The following HS3ST5 variants were observed in gnomAD, a reference collection of about 807,000 sequenced individuals.
HS3ST5 encodes heparan sulfate glucosamine 3-O-sulfotransferase 5.
HS3ST5 carries 10 observed loss-of-function variants against 25.4 expected under a neutral mutation model. The observed-to-expected ratio is 0.39, with a 90% CI of 0.24 to 0.67. HS3ST5 has a LOEUF of 0.67. Among genes scored for constraint, HS3ST5 ranks in the 30% least tolerant of loss-of-function variants. HS3ST5 has a pLI of 0.44. For missense variants in HS3ST5, 324 were observed against 420.7 expected (o/e 0.77, Z 2.01); for synonymous variants, 170 against 162.4 (o/e 1.05, Z -0.36).
At chr6:114,341,217 G>GA in intron 1 of HS3ST5, among the ~76,000 whole-genome samples, 1 of 134,930 alleles carries the variant, frequency 7.4e-6, no homozygotes, top group African/African-American at 2.9e-5. Flanking sequence ...AATAGGGAGA[G>GA]AGGGGGAGAG....
chr6:114,198,619 T>C (rs1780872048), intron 2 of HS3ST5, among the ~76,000 whole-genome samples: 1 of 152,192 alleles, frequency 6.6e-6, no homozygotes, highest in African/African-American at 2.4e-5. Context: ...CCAGGTTGTA[T>C]GAAGAAATTC....
At chr6:114,213,193 T>C (rs914110483) in intron 2 of HS3ST5, among the ~76,000 whole-genome samples, 1 of 152,016 alleles carries the variant, frequency 6.6e-6, no homozygotes, top group Non-Finnish European at 1.5e-5. Context: ...CGTCAAGCCA[T>C]CCTTCTGAAG....
chr6:114,308,354 G>A (rs1017151913), intron 1 of HS3ST5, among the ~76,000 whole-genome samples: 1 of 152,120 alleles, frequency 6.6e-6, no homozygotes, highest in Admixed American at 6.6e-5. Context: ...GGGAGGCCGA[G>A]GCGGGCAGAT....
In HS3ST5 at chr6:114,298,878, G is replaced by A. The variant is rs13212090; in HGVS notation, c.-339+43317C>T. Among the ~76,000 whole-genome samples the A allele has an allele frequency of 4.1e-3, 618 of 152,278 alleles. 2 individuals carry two copies. Among genetic ancestry groups the A allele is most frequent in the Middle Eastern group, 0.01 (3 of 292 alleles). On this transcript the variant is annotated intron_variant, in intron 1 of 4. Transcript: ENST00000312719. ...TGTCATCTCACAAGCTGAGGAGTAT[G>A]TATGTCACCTCAGGACCCTGTGATG...
At chr6:114,094,278 G>A (rs1775304684) in intron 3 of HS3ST5, among the ~76,000 whole-genome samples, 1 of 152,206 alleles carries the variant, frequency 6.6e-6, no homozygotes, top group Non-Finnish European at 1.5e-5. Flanking sequence ...ATAATTTAAA[G>A]TTAGTTTTGA....
At chr6:114,295,665 G>A (rs1679455627) in intron 1 of HS3ST5, among the ~76,000 whole-genome samples, 1 of 152,162 alleles carries the variant, frequency 6.6e-6, no homozygotes, top group South Asian at 2.1e-4. Flanking sequence ...GTAAAAGCAT[G>A]CAAACTATAT....
chr6:114,288,917 T>A (rs1346315327), intron 1 of HS3ST5, among the ~76,000 whole-genome samples: 7 of 152,056 alleles, frequency 4.6e-5, no homozygotes, highest in African/African-American at 1.7e-4. Context: ...ATAGCACAGA[T>A]CTGTAGCTCC....
At chr6:114,235,510 G>T (rs1771814403) in intron 1 of HS3ST5, 1 of 152,200 alleles carries the variant, frequency 6.6e-6, no homozygotes, top group African/African-American at 2.4e-5. Flanking sequence ...GATCTAAAAA[G>T]AATGTCATTA....
intron 1 of HS3ST5, among the ~76,000 whole-genome samples, chr6:114,311,077 A>G (rs1362326300): frequency 1.3e-5 from 2 of 152,216 alleles, no homozygotes; most frequent in African/African-American, 4.8e-5. Context: ...TCAGATAAGA[A>G]TGCAAAATTA....
At chr6:114,083,264 T>C (rs531568887) in intron 3 of HS3ST5, among the ~76,000 whole-genome samples, 3 of 152,260 alleles carry the variant, frequency 2.0e-5, no homozygotes, top group Non-Finnish European at 4.4e-5. Context: ...CCATCTGGTT[T>C]ATTAATTGGC....
At chr6:114,189,609 T>C (rs1054074677) in intron 2 of HS3ST5, among the ~76,000 whole-genome samples, 3 of 152,172 alleles carry the variant, frequency 2.0e-5, no homozygotes, top group Non-Finnish European at 4.4e-5. Flanking sequence ...TATCTTATAT[T>C]TAGTTTTCCA....
Position 114,057,518 on chromosome 6 carries a change from C to A in HS3ST5, c.780G>T (p.Thr260=). Residue 260 remains threonine, a synonymous_variant, in exon 5 of 5, where the codon ACG becomes ACT. Transcript: ENST00000312719. ...FHVVDGDRLI[T]EPLPELQLVE... ...CGAGCTGAAGTTCTGGCAGAGGTTC[C>A]GTGATGAGGCGATCTCCATCGACGA... 1 of 1,614,112 alleles carries A rather than the reference C, an allele frequency of 6.2e-7. No individual in the cohort carries two copies. Among genetic ancestry groups the A allele is most frequent in the South Asian group, 1.1e-5 (1 of 91,078 alleles).
At chr6:114,097,192 T>C (rs938629028) in intron 3 of HS3ST5, among the ~76,000 whole-genome samples, 1 of 151,972 alleles carries the variant, frequency 6.6e-6, no homozygotes, top group Non-Finnish European at 1.5e-5. Flanking sequence ...ATATATATAA[T>C]TGGATATTAG....
chr6:114,066,306 T>G (rs1773443083), intron 3 of HS3ST5, among the ~76,000 whole-genome samples: 1 of 152,218 alleles, frequency 6.6e-6, no homozygotes, highest in Non-Finnish European at 1.5e-5. Context: ...CACACACACT[T>G]GCTACCACCC....
chr6:114,313,023 C>CA (rs1349214316), intron 1 of HS3ST5, among the ~76,000 whole-genome samples: 1 of 13,274 alleles, frequency 7.5e-5, no homozygotes, highest in Non-Finnish European at 1.3e-4. Context: ...GACCCTGCAT[C>CA]AGAAAAAAAA....
At chr6:114,324,084 C>G (rs879526494) in intron 1 of HS3ST5, among the ~76,000 whole-genome samples, 4 of 152,130 alleles carry the variant, frequency 2.6e-5, no homozygotes, top group Non-Finnish European at 5.9e-5. Context: ...TAAATACAAC[C>G]TAACAGAAAA....
chr6:114,167,344 A>T (rs1411409325), intron 3 of HS3ST5: 1 of 152,178 alleles, frequency 6.6e-6, no homozygotes, highest in African/African-American at 2.4e-5. Flanking sequence ...GTTTTATAGC[A>T]TTATGGAGAA....
intron 3 of HS3ST5, among the ~76,000 whole-genome samples, chr6:114,166,847 G>C (rs1779238529): frequency 6.6e-6 from 1 of 152,072 alleles, no homozygotes. Flanking sequence ...AAAGTAGTTT[G>C]ACTCCATCCA....
chr6:114,125,895 T>C (rs1429090015), intron 3 of HS3ST5, among the ~76,000 whole-genome samples: 1 of 152,084 alleles, frequency 6.6e-6, no homozygotes, highest in African/African-American at 2.4e-5. Flanking sequence ...TGAAGTGAAA[T>C]ACATGCAGCA....
Sources: allele counts gnomAD v4.1 joint callset (sites outside exome capture counted in the v4.1 genomes callset), GRCh38; gene constraint gnomAD v4.1.1; transcripts MANE v1.5; gene names NCBI Gene and HGNC (gene_info 2026-07-23, HGNC 2026-07-21).